The following THBS3 variants were observed in gnomAD, a reference collection of about 807,000 sequenced individuals.
THBS3 encodes thrombospondin 3.
Under a neutral mutation model 118.3 loss-of-function variants are expected in THBS3, and 78 were observed. The ratio of observed to expected loss-of-function variants is 0.66; its 90% CI spans 0.55 to 0.80. THBS3 has a LOEUF of 0.80. THBS3 is among the 30% of genes least tolerant of loss of function. The probability of loss-of-function intolerance (pLI) is 0.00; values close to 1 mark genes in which losing one functional copy is unlikely to be tolerated. For synonymous variants in THBS3, 427 were observed against 475.3 expected, an observed-to-expected ratio of 0.90 and a Z score of 1.32; for missense variants, 1,057 against 1,247.4, an observed-to-expected ratio of 0.85 and a Z score of 2.30.
chr1:155,202,536 C>A lies in THBS3; in HGVS notation c.958-135G>T. 7.7e-7 allele frequency: 1 copy of A among 1,299,860 alleles called. No homozygotes were observed. The highest frequency in any genetic ancestry group is 1.0e-6 in the Non-Finnish European group (1 of 963,684). The allele number at this position is 1,299,860 out of a possible 1,614,324, so 80.5% of individuals were successfully genotyped here. On this transcript the variant is annotated intron_variant, in intron 8 of 22. Coordinates refer to ENST00000368378, the MANE Select transcript of THBS3 (RefSeq NM_007112.5). This position sits in a 1 kb window ranked among gnomAD's most constrained non-coding sequence, Gnocchi z 5.5. ...CACACAACTGCCTTGTGCTCCTGGT[C>A]CCCACCCCACTTCCCTCGGGGTTCC...
In THBS3 at chr1:155,206,404, T is replaced by C; in HGVS notation, c.82A>G (p.Ile28Val). The change falls in exon 2 of 23, where the codon ATT (isoleucine) becomes GTT (valine). Residue 28 changes from isoleucine to valine, a missense_variant and splice_region_variant. By Grantham distance (29) the Ile-to-Val change is conservative. This residue lies in a region of THBS3 where 206 missense variants were observed against 205.7 expected (regional missense o/e 1.00). Coordinates refer to ENST00000368378, the MANE Select transcript of THBS3 (RefSeq NM_007112.5). The surrounding 1 kb of genome is among the most constrained non-coding windows in gnomAD (Gnocchi z 4.2). The part of the protein sequence containing the change: ...FTSASQDLQV[I>V]DLLTVGESRQ... ...GACTCGCCCACAGTCAGCAGGTCAA[T>C]TACTGGTCAGGCAGGGGTTATCAAG... The C allele has an allele frequency of 6.2e-7, 1 of 1,613,896 alleles. No individual in the cohort carries two copies. The highest frequency in any genetic ancestry group is 8.5e-7 in the Non-Finnish European group (1 of 1,179,968).
upstream of THBS3, chr1:155,209,049 G>A (rs1016501260): frequency 3.9e-6 from 6 of 1,541,626 alleles, no homozygotes; most frequent in Admixed American, 1.0e-4. Context: ...CTCTGGATGG[G>A]CCGGCGGCCG....
At position 155,195,871 on chromosome 1, in the gene THBS3, G is replaced by A; in HGVS notation, c.2841C>T (p.Phe947=). 6.2e-7 allele frequency: 1 copy of A among 1,614,078 alleles called. No homozygotes were observed. The highest frequency in any genetic ancestry group is 8.5e-7 in the Non-Finnish European group (1 of 1,180,010). Residue 947 remains phenylalanine, a synonymous_variant, in exon 23 of 23, where the codon TTC becomes TTT. Coordinates refer to ENST00000368378, the MANE Select transcript of THBS3 (RefSeq NM_007112.5). ...NDTVPEDFEP[F]RRQLLQGRV is the part of the protein sequence containing the mutation. The stretch of plus-strand genomic sequence containing the variant: ...CCCTTCCCTGGAGCAGCTGCCTCCG[G>A]AATGGCTCAAAGTCCTCAGGCACTG...
chr1:155,209,128 C>T, upstream of THBS3: 3 of 1,541,794 alleles, frequency 1.9e-6, no homozygotes, highest in Non-Finnish European at 2.6e-6. Flanking sequence ...GAAGCCTCGC[C>T]TCCCCGGGGA....
At position 155,202,374 on chromosome 1, in the gene THBS3, C is replaced by T. The variant is rs367581891; in HGVS notation, c.985G>A (p.Gly329Ser). ...GGCATGGTGTTGATGCAGCTGGAGC[C>T]CGGGAAACAGGGGTCAGCGTGAGCA... The part of the protein sequence containing the change: ...ECAHADPCFP[G>S]SSCINTMPGF... Residue 329 changes from glycine (G) to serine (S), a missense_variant, in exon 9 of 23, where the codon GGC becomes AGC. Physicochemically the swap from Gly to Ser is moderately conservative, Grantham distance 56. Transcript: ENST00000368378. This position sits in a 1 kb window ranked among gnomAD's most constrained non-coding sequence, Gnocchi z 5.5. 8.1e-6 allele frequency: 13 copies of T among 1,613,858 alleles called. No individual in the cohort carries two copies. The highest frequency in any genetic ancestry group is 1.0e-5 in the Non-Finnish European group (12 of 1,180,006).
Position 155,202,910 on chromosome 1 carries a change from C to T in THBS3, c.859G>A (p.Val287Met). Residue 287 changes from valine (V) to methionine (M), a missense_variant, in exon 8 of 23, where the codon GTG (valine) becomes ATG (methionine). Physicochemically the swap from Val to Met is conservative, Grantham distance 21. Coordinates refer to ENST00000368378, the MANE Select transcript of THBS3 (RefSeq NM_007112.5). This position sits in a 1 kb window ranked among gnomAD's most constrained non-coding sequence, Gnocchi z 5.5. ...TACTCGTACACTTCCATGCAGTCCACACCTCGGAAGCAGGGATTGGGGCTG... is the reference window on the plus strand; with the variant it reads ...TACTCGTACACTTCCATGCAGTCCATACCTCGGAAGCAGGGATTGGGGCTG... ...HCSPNPCFRGVDCMEVYEYPG... is the reference protein window; with the variant it reads ...HCSPNPCFRGMDCMEVYEYPG... The T allele has an allele frequency of 6.2e-7, 1 of 1,613,954 alleles. No individual in the cohort carries two copies. Among genetic ancestry groups the T allele is most frequent in the Non-Finnish European group, 8.5e-7 (1 of 1,180,044 alleles).
chr1:155,200,950 C>T lies in THBS3; in HGVS notation c.1495G>A (p.Val499Met). The T allele has an allele frequency of 6.2e-7, 1 of 1,614,178 alleles. No homozygotes were observed. Among genetic ancestry groups the T allele is most frequent in the Non-Finnish European group, 8.5e-7 (1 of 1,180,030 alleles). ...GCATCATCATCACACTGGTCCCCCA[C>T]ACCATCATTATCAGCATCTTCCTGC... ...SGQEDADNDG[V>M]GDQCDDDADG... is the part of the protein sequence containing the mutation. The change falls in exon 13 of 23, where the codon GTG becomes ATG. Residue 499 changes from valine to methionine, a missense_variant. Around this residue, in one of 3 missense-constraint regions of THBS3, gnomAD observed 544 missense variants for 715.6 expected, o/e 0.76. Coordinates refer to ENST00000368378, the MANE Select transcript of THBS3 (RefSeq NM_007112.5).
At position 155,199,942 on chromosome 1, in the gene THBS3, G is replaced by C. The variant is rs947655088; in HGVS notation, c.1827+53C>G. 12 of 1,609,578 alleles carry C rather than the reference G, an allele frequency of 7.5e-6. 1 individual carries two copies. In the African/African-American group the frequency reaches 1.5e-4, roughly 20 times the overall value. ...ACCACTTTCCATCCAAAGGGCTGGG[G>C]CTTCATCCATCAGTACCCTCATCCC... is the stretch of plus-strand genomic sequence containing the variant. On this transcript the variant is annotated intron_variant, in intron 15 of 22. Transcript: ENST00000368378.
intron 13 of THBS3, 42 bp from the exon 14 acceptor site, chr1:155,200,652 A>AATCAC (rs1226806503): frequency 2.5e-6 from 4 of 1,605,580 alleles, no homozygotes; most frequent in Non-Finnish European, 3.4e-6. Flanking sequence ...GTCTCCCCTA[A>AATCAC]ATCACTTGTC....
Position 155,197,820 on chromosome 1 carries a change from C to G in THBS3, c.2302+60G>C. ...TCTCCCTGTCTGTTTCCTCCCCTAC[C>G]CTCTGCCCCTATAGGATTCCTCCAT... On this transcript the variant is annotated intron_variant, in intron 19 of 22. Coordinates refer to ENST00000368378, the MANE Select transcript of THBS3 (RefSeq NM_007112.5). This position sits in a 1 kb window ranked among gnomAD's most constrained non-coding sequence, Gnocchi z 5.0. The G allele has an allele frequency of 6.2e-7, 1 of 1,611,366 alleles. No homozygotes were observed. Among genetic ancestry groups the G allele is most frequent in the Non-Finnish European group, 8.5e-7 (1 of 1,177,778 alleles).
intron 21 of THBS3, chr1:155,196,362 C>T (rs745617160): frequency 1.6e-5 from 9 of 560,660 alleles, no homozygotes; most frequent in Non-Finnish European, 2.8e-5. Context: ...CAGCCGCATT[C>T]CAAGCGAGGA....
intron 12 of THBS3, 40 bp from the exon 13 acceptor site, chr1:155,201,044 AC>A: frequency 1.9e-6 from 3 of 1,614,108 alleles, no homozygotes; most frequent in African/African-American, 1.3e-5. Context: ...TTCTGGCCTG[AC>A]CCAGCTTGGG....
rs563646613 is a variant in THBS3, at chr1:155,197,407, G to A, written c.2499+56C>T. On this transcript the variant is annotated intron_variant, in intron 20 of 22. Coordinates refer to ENST00000368378, the MANE Select transcript of THBS3 (RefSeq NM_007112.5). The surrounding 1 kb of genome is among the most constrained non-coding windows in gnomAD (Gnocchi z 5.0). ...AAGCAGTGGGGGAGGCCCTGGGGCT[G>A]CAGAGGAGAGCTTTGGGAAAGGGCC... 5.7e-6 allele frequency: 9 copies of A among 1,583,772 alleles called. No individual in the cohort carries two copies. The highest frequency in any genetic ancestry group is 5.4e-5 in the African/African-American group (4 of 74,360).
upstream of THBS3, chr1:155,208,716 C>G (rs1571940327): frequency 2.9e-5 from 38 of 1,308,772 alleles, no homozygotes; most frequent in Non-Finnish European, 3.3e-5. Flanking sequence ...AGCCCGGCCT[C>G]CGCTCCGGCC....
chr1:155,202,570 C>T lies in THBS3; in HGVS notation c.958-169G>A. ...ACTTCCCTCGGGGTTCCCTCTCTCC[C>T]TCCCCATGCCACTGGTCACCATCTC... On this transcript the variant is annotated intron_variant, in intron 8 of 22. Transcript: ENST00000368378. This position sits in a 1 kb window ranked among gnomAD's most constrained non-coding sequence, Gnocchi z 5.5. 6 of 1,129,654 alleles carry T rather than the reference C, an allele frequency of 5.3e-6. No individual in the cohort carries two copies. Among genetic ancestry groups the T allele is most frequent in the Non-Finnish European group, 7.3e-6 (6 of 816,396 alleles). The allele number at this position is 1,129,654 out of a possible 1,614,324, so 70.0% of individuals were successfully genotyped here. A position where few individuals can be genotyped will look rare whatever the true frequency, so the allele number is the denominator to read the frequency against.
At chr1:155,207,957 G>T (rs1670799959), upstream of THBS3, 2 of 1,284,978 alleles carry the variant, frequency 1.6e-6, no homozygotes, top group Non-Finnish European at 1.1e-6. Context: ...GGAGCCGGGG[G>T]GCGGAGGGAC....
chr1:155,198,693 T>A (rs1004979955), intron 16 of THBS3, 91 bp from the exon 17 acceptor site: 1 of 1,337,138 alleles, frequency 7.5e-7, no homozygotes. Context: ...GAGCCTGCTC[T>A]CCATACAATC....
Position 155,197,804 on chromosome 1 carries a change from C to T in THBS3, c.2302+76G>A, listed in dbSNP as rs74118415. ...TCGCCACTTTGCCCATTCTCCCTGT[C>T]TGTTTCCTCCCCTACCCTCTGCCCC... On this transcript the variant is annotated intron_variant, in intron 19 of 22. Coordinates refer to ENST00000368378, the MANE Select transcript of THBS3 (RefSeq NM_007112.5). The surrounding 1 kb of genome is among the most constrained non-coding windows in gnomAD (Gnocchi z 5.0). 6.2e-7 allele frequency: 1 copy of T among 1,606,396 alleles called. No individual in the cohort carries two copies. The highest frequency in any genetic ancestry group is 1.3e-5 in the African/African-American group (1 of 74,846).
chr1:155,204,761 A>G lies in THBS3; in HGVS notation c.646+94T>C, dbSNP rs565466305. ...CCCTAGGAACAGGTGAGCCAAAGGA[A>G]TGGGTTTTAAGGGAGAGGGAGATCA... On this transcript the variant is annotated intron_variant, in intron 4 of 22. Coordinates refer to ENST00000368378, the MANE Select transcript of THBS3 (RefSeq NM_007112.5). 8.8e-4 allele frequency: 1,020 copies of G among 1,154,118 alleles called. 8 individuals carry two copies. Among genetic ancestry groups the G allele is most frequent in the Non-Finnish European group, 2.0e-4 (150 of 763,512 alleles). 71.5% of individuals were successfully genotyped at this position (1,154,118 alleles called of 1,614,324 possible). A position where few individuals can be genotyped will look rare whatever the true frequency, so the allele number is the denominator to read the frequency against.
Sources: allele counts gnomAD v4.1 joint callset, GRCh38; gene constraint gnomAD v4.1.1; regional missense constraint gnomAD v4.1.1; non-coding constraint Gnocchi (gnomAD v3.1); transcripts MANE v1.5; gene names NCBI Gene and HGNC (gene_info 2026-07-23, HGNC 2026-07-21).